The following ADGRE1 variants were observed in gnomAD, a reference collection of about 807,000 sequenced individuals.
ADGRE1 encodes the protein adhesion G protein-coupled receptor E1.
ADGRE1 carries 82 observed loss-of-function variants against 102.7 expected under a neutral mutation model. The ratio of observed to expected loss-of-function variants is 0.80; its 90% CI spans 0.67 to 0.96. The LOEUF is 0.96. Ranked by LOEUF, ADGRE1 falls within the 40% of genes least tolerant of loss-of-function variation. The pLI, the probability that ADGRE1 is intolerant of heterozygous loss-of-function variation, is 0.00. For missense variants in ADGRE1, 1,032 were observed against 1,085.3 expected (o/e 0.95, Z 0.69); for synonymous variants, 398 against 399.6 (o/e 1.00, Z 0.05).
chr19:6,898,791 G>C (rs1385943574), intron 5 of ADGRE1: 5 of 477,708 alleles, frequency 1.0e-5, no homozygotes, highest in African/African-American at 4.0e-5. Context: ...GAGAAAATTG[G>C]GGCTCAGAGA....
intron 10 of ADGRE1, 39 bp from the exon 11 acceptor site, chr19:6,913,614 A>G: frequency 6.7e-7 from 1 of 1,489,658 alleles, no homozygotes; most frequent in Non-Finnish European, 9.1e-7. Flanking sequence ...CATTAATGAG[A>G]GAGAGAGAGA....
At chr19:6,919,452 G>GTGTGTGTGTGTA in intron 12 of ADGRE1, 96 bp from the exon 13 acceptor site, 1 of 618,270 alleles carries the variant, frequency 1.6e-6, no homozygotes, top group Non-Finnish European at 2.8e-6. Context: ...CTGTGTGTGT[G>GTGTGTGTGTGTA]TGTGTGTGTG....
At chr19:6,890,451 T>G in intron 1 of ADGRE1, 30 bp from the exon 2 acceptor site, 1 of 1,274,182 alleles carries the variant, frequency 7.8e-7, no homozygotes, top group Non-Finnish European at 1.1e-6. Flanking sequence ...TTTTGGTGGT[T>G]CATGGTGTTT....
At chr19:6,916,083 C>A (rs1183200262) in intron 11 of ADGRE1, among the ~76,000 whole-genome samples, 166 bp from the exon 12 acceptor site, 1 of 152,010 alleles carries the variant, frequency 6.6e-6, no homozygotes, top group Non-Finnish European at 1.5e-5. Context: ...TGCTATGGTC[C>A]CCCTATCATT....
At chr19:6,927,907 G>A (rs4080215) in intron 16 of ADGRE1, among the ~76,000 whole-genome samples, 8,806 of 152,132 alleles carry the variant, frequency 0.058, 350 homozygotes, top group African/African-American at 0.1. Context: ...TGTGAATTGG[G>A]AAATGAGCTC....
At chr19:6,892,790 T>TG (rs972729469) in intron 2 of ADGRE1, among the ~76,000 whole-genome samples, 2 of 152,200 alleles carry the variant, frequency 1.3e-5, no homozygotes, top group Non-Finnish European at 2.9e-5. Flanking sequence ...ATAAAAAGAA[T>TG]GACATTCCAC....
At chr19:6,915,924 A>AC (rs201109288) in intron 11 of ADGRE1, among the ~76,000 whole-genome samples, 26,015 of 144,296 alleles carry the variant, frequency 0.18, 2,698 homozygotes, top group Middle Eastern at 0.25. Flanking sequence ...CCGTCTCAAA[A>AC]AAAAAAAAAA....
intron 1 of ADGRE1, among the ~76,000 whole-genome samples, chr19:6,889,687 CAAAAAAA>C (rs1178774112): frequency 1.3e-3 from 56 of 41,768 alleles, no homozygotes; most frequent in Middle Eastern, 0.017. Flanking sequence ...GACTCCATCT[CAAAAAAA>C]AAAAAAAAAA....
At chr19:6,900,954 T>A (rs1461698745) in intron 5 of ADGRE1, among the ~76,000 whole-genome samples, 5 of 152,244 alleles carry the variant, frequency 3.3e-5, no homozygotes, top group Non-Finnish European at 7.3e-5. Context: ...TCAACTGGTC[T>A]TGTTCTTGTG....
chr19:6,908,664 C>T lies in ADGRE1; in HGVS notation c.1039-25C>T, dbSNP rs572698154. The stretch of plus-strand genomic sequence containing the variant: ...ACATCGATTCATGCTCACAAATGCT[C>T]TTTTTTTTTTTTTCTGGGACGCAGG... On this transcript the variant is annotated intron_variant, in intron 9 of 20. Transcript: ENST00000312053. 4.5e-5 allele frequency: 61 copies of T among 1,350,890 alleles called. No homozygotes were observed. In the Admixed American group the frequency reaches 7.9e-4, roughly 18 times the overall value. 83.7% of individuals were successfully genotyped at this position (1,350,890 alleles called of 1,614,324 possible). A position where few individuals can be genotyped will look rare whatever the true frequency, so the allele number is the denominator to read the frequency against.
At chr19:6,890,594 C>T in intron 2 of ADGRE1, 51 bp downstream of exon 2, 6 of 1,580,310 alleles carry the variant, frequency 3.8e-6, no homozygotes, top group Non-Finnish European at 5.2e-6. Context: ...AGAAAGTTTT[C>T]TCCCCGGGGA....
At chr19:6,904,698 G>T (rs1395102497) in intron 8 of ADGRE1, among the ~76,000 whole-genome samples, 3 of 151,960 alleles carry the variant, frequency 2.0e-5, no homozygotes, top group Non-Finnish European at 2.9e-5. Flanking sequence ...AGTAGAGACG[G>T]TGTTTCACCA....
chr19:6,900,311 C>CA (rs11334158), intron 5 of ADGRE1, among the ~76,000 whole-genome samples: 2,982 of 114,644 alleles, frequency 0.026, 53 homozygotes, highest in African/African-American at 0.048. Context: ...CCTGTCTCTA[C>CA]AAAAAAAAAA....
In ADGRE1 at chr19:6,916,377, C is replaced by A. The variant is rs1568352024; in HGVS notation, c.1420+9C>A. The A allele has an allele frequency of 1.9e-6, 3 of 1,610,290 alleles. No individual in the cohort carries two copies. Among genetic ancestry groups the A allele is most frequent in the Admixed American group, 1.7e-5 (1 of 59,372 alleles). Reference sequence around the variant, plus strand: ...GGAATCTGAATCCACAGGTACAGGTCCTCTCCTGAGAATGCAGGTTATGGT... The same window carrying A: ...GGAATCTGAATCCACAGGTACAGGTACTCTCCTGAGAATGCAGGTTATGGT... On this transcript the variant is annotated intron_variant, in intron 12 of 20. Transcript: ENST00000312053.
rs539053625 is a variant in ADGRE1, at chr19:6,932,235, G to A, written c.2290-2752G>A. Among the ~76,000 whole-genome samples, 7 of 152,182 alleles carry A rather than the reference G, an allele frequency of 4.6e-5. No homozygotes were observed. The South Asian group carries it at 1.5e-3, about 32-fold the overall frequency. On this transcript the variant is annotated intron_variant, in intron 17 of 20. Transcript: ENST00000312053. ...TGTAATCCCAGCACTTTGGGAGGCT[G>A]AGGCAGGCGGATCACGAGGTCAGGA...
At chr19:6,896,599 G>C in intron 3 of ADGRE1, 58 bp downstream of exon 3, 1 of 1,582,752 alleles carries the variant, frequency 6.3e-7, no homozygotes, top group Non-Finnish European at 8.6e-7. Context: ...AGTCAAAGCT[G>C]GCTGGGTATT....
At chr19:6,888,778 A>G (rs1410287582) in intron 1 of ADGRE1, among the ~76,000 whole-genome samples, 1 of 152,190 alleles carries the variant, frequency 6.6e-6, no homozygotes, top group Non-Finnish European at 1.5e-5. Flanking sequence ...GGGAGTTTAG[A>G]TCTGTGGGAC....
chr19:6,911,276 A>G (rs1394607974), intron 10 of ADGRE1, among the ~76,000 whole-genome samples: 1 of 151,906 alleles, frequency 6.6e-6, no homozygotes, highest in African/African-American at 2.4e-5. Flanking sequence ...TTGGATAGAT[A>G]GAAACTTGTA....
At chr19:6,890,850 G>A (rs1351061995) in intron 2 of ADGRE1, among the ~76,000 whole-genome samples, 1 of 152,118 alleles carries the variant, frequency 6.6e-6, no homozygotes, top group Non-Finnish European at 1.5e-5. Flanking sequence ...AAACCACCTG[G>A]TATGTAGTAT....
Sources: allele counts gnomAD v4.1 joint callset (sites outside exome capture counted in the v4.1 genomes callset), GRCh38; gene constraint gnomAD v4.1.1; transcripts MANE v1.5; gene names NCBI Gene and HGNC (gene_info 2026-07-23, HGNC 2026-07-21).